INPP4B: variants seen among roughly 807,000 people sequenced by gnomAD.
INPP4B encodes the protein inositol polyphosphate-4-phosphatase type II B.
INPP4B carries 55 observed loss-of-function variants against 122.5 expected under a neutral mutation model. The observed-to-expected ratio is 0.45, with a 90% CI of 0.36 to 0.56. The LOEUF is 0.56. Among genes scored for constraint, INPP4B ranks in the 20% least tolerant of loss-of-function variants. The pLI is 0.00. For synonymous variants in INPP4B, 403 were observed against 388.7 expected (o/e 1.04, Z -0.43); for missense variants, 1,000 against 1,097.7 (o/e 0.91, Z 1.26).
chr4:142,492,999 G>A (rs1174863829), intron 2 of INPP4B, among the ~76,000 whole-genome samples: 1 of 152,194 alleles, frequency 6.6e-6, no homozygotes, highest in African/African-American at 2.4e-5. Context: ...TTGGCACATG[G>A]TGCCCTATAT....
intron 2 of INPP4B, among the ~76,000 whole-genome samples, chr4:142,554,935 A>G (rs1337283412): frequency 6.6e-6 from 1 of 152,128 alleles, no homozygotes; most frequent in Non-Finnish European, 1.5e-5. Context: ...CTGTGCCCCA[A>G]ACTCTTTGCC....
intron 24 of INPP4B, among the ~76,000 whole-genome samples, chr4:142,085,829 G>A: frequency 6.6e-6 from 1 of 152,144 alleles, no homozygotes; most frequent in Non-Finnish European, 1.5e-5. Context: ...CAAAATCCTG[G>A]GTGATACGGG....
Position 142,023,533 on chromosome 4 carries a change from A to C in INPP4B, c.*5249T>G, listed in dbSNP as rs2152237493. The C allele has an allele frequency of 6.6e-6, 1 of 152,324 alleles. No individual in the cohort carries two copies. The highest frequency in any genetic ancestry group is 2.1e-4 in the South Asian group (1 of 4,826). 9.4% of individuals were successfully genotyped at this position (152,324 alleles called of 1,614,324 possible). A position where few individuals can be genotyped will look rare whatever the true frequency, so the allele number is the denominator to read the frequency against. ...TGAAAGTTTCATAGTTGTTTAACAAAATATTTTTAATGTTGATAGTGACAT... is the reference window on the plus strand; with the variant it reads ...TGAAAGTTTCATAGTTGTTTAACAACATATTTTTAATGTTGATAGTGACAT... On this transcript the variant is annotated 3_prime_UTR_variant, in exon 26 of 26. Coordinates refer to ENST00000262992, the MANE Select transcript of INPP4B (RefSeq NM_001101669.3).
At chr4:142,433,470 T>C (rs1809770753) in intron 3 of INPP4B, among the ~76,000 whole-genome samples, 1 of 152,182 alleles carries the variant, frequency 6.6e-6, no homozygotes, top group Non-Finnish European at 1.5e-5. Flanking sequence ...GGACAAAAGA[T>C]GATTGGTAGT....
chr4:142,293,079 C>T (rs1350272403), intron 9 of INPP4B, among the ~76,000 whole-genome samples: 2 of 148,184 alleles, frequency 1.3e-5, no homozygotes, highest in Non-Finnish European at 3.0e-5. Flanking sequence ...GCTCTTGTCA[C>T]CCAGACTGGA....
At chr4:142,429,034 T>C in intron 5 of INPP4B, 139 bp downstream of exon 5, 1 of 568,818 alleles carries the variant, frequency 1.8e-6, no homozygotes, top group Non-Finnish European at 3.2e-6. Context: ...AACACCTACC[T>C]TATAGAACAA....
chr4:142,233,546 T>C (rs1030638936), intron 12 of INPP4B, among the ~76,000 whole-genome samples: 16 of 152,122 alleles, frequency 1.1e-4, no homozygotes, highest in Admixed American at 6.6e-5. Context: ...ATAATGGTAC[T>C]AAAGCACCTG....
Position 142,137,721 on chromosome 4 carries a change from C to T in INPP4B, c.1720+8119G>A, listed in dbSNP as rs1430198140. Among the ~76,000 whole-genome samples the T allele has an allele frequency of 4.7e-3, 700 of 148,568 alleles. 10 individuals carry two copies. The highest frequency in any genetic ancestry group is 0.016 in the African/African-American group (655 of 40,704). ...ACAAACAACCCCATCAAAAAGTGGGCAAAGGATATGAACAGACACTTCTCA... is the reference window on the plus strand; with the variant it reads ...ACAAACAACCCCATCAAAAAGTGGGTAAAGGATATGAACAGACACTTCTCA... On this transcript the variant is annotated intron_variant, in intron 18 of 25. Transcript: ENST00000262992.
chr4:142,577,923 C>T (rs926983247), intron 2 of INPP4B, among the ~76,000 whole-genome samples: 2 of 151,904 alleles, frequency 1.3e-5, no homozygotes, highest in Admixed American at 6.6e-5. Context: ...AAGATGGATG[C>T]TATCATCTCA....
intron 1 of INPP4B, chr4:142,795,656 ATAG>A (rs370502273): frequency 1.3e-4 from 20 of 152,128 alleles, no homozygotes; most frequent in African/African-American, 4.8e-4. Flanking sequence ...TATCTGTCAC[ATAG>A]TAGGAGGTTA....
At chr4:142,115,488 G>A (rs1242882189) in intron 21 of INPP4B, among the ~76,000 whole-genome samples, 1 of 152,214 alleles carries the variant, frequency 6.6e-6, no homozygotes, top group Admixed American at 6.5e-5. Context: ...CAAGCCAGAA[G>A]ATAGTGGGGG....
intron 2 of INPP4B, among the ~76,000 whole-genome samples, chr4:142,713,365 T>A (rs1763346654): frequency 6.6e-6 from 1 of 152,104 alleles, no homozygotes; most frequent in Non-Finnish European, 1.5e-5. Context: ...GAATACAGAA[T>A]CATAGAGGAG....
intron 9 of INPP4B, among the ~76,000 whole-genome samples, chr4:142,300,595 A>G (rs770024569): frequency 6.6e-6 from 1 of 152,212 alleles, no homozygotes; most frequent in Non-Finnish European, 1.5e-5. Context: ...CTAAAATGAT[A>G]TAGATTCCCA....
intron 23 of INPP4B, among the ~76,000 whole-genome samples, chr4:142,098,983 G>A (rs1783309476): frequency 1.3e-5 from 2 of 152,260 alleles, no homozygotes; most frequent in South Asian, 4.1e-4. Flanking sequence ...CAGCCATAGA[G>A]CAGGAGAAAT....
At chr4:142,109,465 A>G (rs79910216) in intron 22 of INPP4B, among the ~76,000 whole-genome samples, 1,594 of 152,268 alleles carry the variant, frequency 0.01, 30 homozygotes, top group African/African-American at 0.037. Flanking sequence ...GATGTCTTAT[A>G]GTCTCCCTAG....
intron 18 of INPP4B, among the ~76,000 whole-genome samples, chr4:142,129,517 G>A (rs780072288): frequency 4.6e-5 from 7 of 152,116 alleles, no homozygotes; most frequent in East Asian, 1.9e-4. Context: ...CATAATACAC[G>A]TCGCCAACTT....
chr4:142,556,322 C>CT (rs1254819024), intron 2 of INPP4B, among the ~76,000 whole-genome samples: 1 of 152,160 alleles, frequency 6.6e-6, no homozygotes, highest in Non-Finnish European at 1.5e-5. Flanking sequence ...CACATCACTC[C>CT]TTGGTAACGA....
chr4:142,626,055 T>C (rs868186874), intron 2 of INPP4B, among the ~76,000 whole-genome samples: 2 of 152,096 alleles, frequency 1.3e-5, no homozygotes, highest in Admixed American at 6.6e-5. Flanking sequence ...GGCAATACCA[T>C]TCAGGACATA....
intron 2 of INPP4B, among the ~76,000 whole-genome samples, chr4:142,466,648 T>C (rs1401850583): frequency 1.3e-5 from 2 of 152,126 alleles, no homozygotes; most frequent in African/African-American, 2.4e-5. Context: ...GCTAGAGAGA[T>C]TGGCATGACT....
Sources: gnomAD v4.1 joint callset for allele counts (sites outside exome capture counted in the v4.1 genomes callset) on GRCh38, gnomAD v4.1.1 for gene constraint, MANE v1.5 for transcripts, NCBI Gene and HGNC (gene_info 2026-07-23, HGNC 2026-07-21) for gene names.